FGF9: variants seen among roughly 807,000 people sequenced by gnomAD.
FGF9 encodes the protein fibroblast growth factor 9 (glia-activating factor).
A neutral mutation model predicts 19.9 loss-of-function variants in FGF9; 3 were observed. That is an observed-to-expected ratio of 0.15 (90% CI 0.07 to 0.39). The LOEUF (loss-of-function observed/expected upper bound fraction) is 0.39. Ranked by LOEUF, FGF9 falls within the 10% of genes least tolerant of loss-of-function variation. FGF9 has a pLI of 1.00. For synonymous variants in FGF9, 107 were observed against 106.9 expected (o/e 1.00, Z -0.01); for missense variants, 175 against 256.8 (o/e 0.68, Z 2.18).
chr13:21,690,082 C>T (rs1872251071), intron 2 of FGF9, among the ~76,000 whole-genome samples: 2 of 152,312 alleles, frequency 1.3e-5, no homozygotes, highest in South Asian at 2.1e-4. Flanking sequence ...TCCAGGGTAG[C>T]GTAGTCTCTC....
chr13:21,681,667 T>TC (rs1872045595), intron 2 of FGF9, among the ~76,000 whole-genome samples: 1 of 152,226 alleles, frequency 6.6e-6, no homozygotes, highest in African/African-American at 2.4e-5. Context: ...TTTCTTTTTT[T>TC]CCCACTCCAC....
chr13:21,680,887 T>C (rs896602257), intron 1 of FGF9, among the ~76,000 whole-genome samples, 155 bp from the exon 2 acceptor site: 1 of 152,210 alleles, frequency 6.6e-6, no homozygotes, highest in Non-Finnish European at 1.5e-5. Flanking sequence ...TTTTACACAG[T>C]GATTTTCAAA....
intron 2 of FGF9, among the ~76,000 whole-genome samples, chr13:21,692,407 G>A (rs747262946): frequency 5.3e-5 from 8 of 151,990 alleles, no homozygotes; most frequent in South Asian, 2.1e-4. Context: ...ATTTTGCTGC[G>A]TTTTGATGGG....
At chr13:21,683,571 C>T (rs886950213) in intron 2 of FGF9, among the ~76,000 whole-genome samples, 4 of 152,086 alleles carry the variant, frequency 2.6e-5, no homozygotes, top group African/African-American at 4.8e-5. Flanking sequence ...CACATCTTGC[C>T]GACAGTCCAG....
intron 2 of FGF9, among the ~76,000 whole-genome samples, chr13:21,687,851 G>A (rs1234196665): frequency 6.6e-6 from 1 of 152,218 alleles, no homozygotes; most frequent in Admixed American, 6.5e-5. Flanking sequence ...GTGGTTGTGG[G>A]ATGGTCATCT....
chr13:21,684,218 T>C (rs1469850249), intron 2 of FGF9, among the ~76,000 whole-genome samples: 1 of 152,220 alleles, frequency 6.6e-6, no homozygotes, highest in Non-Finnish European at 1.5e-5. Context: ...ATGTTTTCCT[T>C]TGGGCCCTAG....
intron 1 of FGF9, among the ~76,000 whole-genome samples, chr13:21,676,330 G>A (rs1871914426): frequency 6.6e-6 from 1 of 152,076 alleles, no homozygotes; most frequent in Non-Finnish European, 1.5e-5. Flanking sequence ...TTTACTAGAG[G>A]GGAGAAATAT....
At chr13:21,697,171 T>A (rs1385686267) in intron 2 of FGF9, among the ~76,000 whole-genome samples, 1 of 152,198 alleles carries the variant, frequency 6.6e-6, no homozygotes, top group East Asian at 1.9e-4. Context: ...TGTTTTTGAT[T>A]TTTAGAGACA....
chr13:21,673,777 G>A (rs1216708680), intron 1 of FGF9, among the ~76,000 whole-genome samples: 1 of 151,054 alleles, frequency 6.6e-6, no homozygotes, highest in Non-Finnish European at 1.5e-5. Context: ...GAAGCGAGCG[G>A]CGTGGGCGGC....
In FGF9 at chr13:21,701,640, A is replaced by T; in HGVS notation, c.*205A>T. ...GGCTTCTCCTCCTGGAGGGCTGCCTAGGGCCACTTGCTTGATTTATCATGA... is the reference window on the plus strand; with the variant it reads ...GGCTTCTCCTCCTGGAGGGCTGCCTTGGGCCACTTGCTTGATTTATCATGA... On this transcript the variant is annotated 3_prime_UTR_variant, in exon 3 of 3. Coordinates refer to ENST00000382353, the MANE Select transcript of FGF9 (RefSeq NM_002010.3). 3.3e-6 allele frequency: 2 copies of T among 612,622 alleles called. No homozygotes were observed. Among genetic ancestry groups the T allele is most frequent in the Non-Finnish European group, 5.6e-6 (2 of 354,440 alleles). The allele number at this position is 612,622 out of a possible 1,614,324, so 37.9% of individuals were successfully genotyped here. A position where few individuals can be genotyped will look rare whatever the true frequency, so the allele number is the denominator to read the frequency against.
At chr13:21,700,302 G>A (rs766275913) in intron 2 of FGF9, among the ~76,000 whole-genome samples, 3 of 152,082 alleles carry the variant, frequency 2.0e-5, no homozygotes, top group Non-Finnish European at 4.4e-5. Context: ...TTGCTTTTAC[G>A]TTGGATTCAG....
intron 2 of FGF9, among the ~76,000 whole-genome samples, chr13:21,688,752 A>ATTGTTTTT (rs369535131): frequency 3.6e-5 from 5 of 139,992 alleles, no homozygotes; most frequent in African/African-American, 1.3e-4. Flanking sequence ...ATTTTGGAGG[A>ATTGTTTTT]TTTTTTTTTT....
intron 1 of FGF9, among the ~76,000 whole-genome samples, chr13:21,673,489 C>G (rs779724209): frequency 1.1e-4 from 16 of 152,174 alleles, no homozygotes; most frequent in Non-Finnish European, 2.2e-4. Flanking sequence ...GCCGTCTCCA[C>G]TCGCTGCTTA....
At chr13:21,675,947 G>C (rs1312212842) in intron 1 of FGF9, among the ~76,000 whole-genome samples, 1 of 150,284 alleles carries the variant, frequency 6.7e-6, no homozygotes, top group African/African-American at 2.4e-5. Flanking sequence ...TTTCCCCCTC[G>C]GATTGGTGGT....
rs933676671 is a variant in FGF9, at chr13:21,672,348, G to GA, written c.277+168dup. Among the ~76,000 whole-genome samples, 8 of 149,412 alleles carry GA rather than the reference G, an allele frequency of 5.4e-5. No individual in the cohort carries two copies. In the East Asian group the frequency reaches 1.2e-3, roughly 22 times the overall value. On this transcript the variant is annotated intron_variant, in intron 1 of 2. Coordinates refer to ENST00000382353, the MANE Select transcript of FGF9 (RefSeq NM_002010.3). This position sits in a 1 kb window ranked among gnomAD's most constrained non-coding sequence, Gnocchi z 4.2. ...TCTCTCTCTCTGTCTTGCCAGCTCC[G>GA]AAAAAAAAATGCCTCCGGAATTGCA...
Position 21,701,225 on chromosome 13 carries a change from G to A in FGF9, c.417G>A (p.Gln139=), listed in dbSNP as rs1872533961. The change falls in exon 3 of 3, where the codon CAG becomes CAA. Residue 139 remains glutamine, a synonymous_variant. Transcript: ENST00000382353. ...CCCAAGAGTGTGTATTCAGAGAACA[G>A]TTCGAAGAAAACTGGTATAATACGT... ...KLTQECVFRE[Q]FEENWYNTYS... is the part of the protein sequence containing the mutation. 2 of 1,613,812 alleles carry A rather than the reference G, an allele frequency of 1.2e-6. No homozygotes were observed. The highest frequency in any genetic ancestry group is 2.7e-5 in the African/African-American group (2 of 74,982).
rs1238831961 is a variant in FGF9 at position 21,701,700 on chromosome 13, AGTGTGTGTATGT to A, written c.*274_*285del. On this transcript the variant is annotated 3_prime_UTR_variant, in exon 3 of 3. Coordinates refer to ENST00000382353, the MANE Select transcript of FGF9 (RefSeq NM_002010.3). ...AGAGAGAGAGAGACTGAGCGCTAGG[AGTGTGTGTATGT>A]GTGTGTGTGTGTGTGTGTGTGTGTG... The A allele has an allele frequency of 1.8e-5, 8 of 441,838 alleles. No homozygotes were observed. Among genetic ancestry groups the A allele is most frequent in the South Asian group, 4.1e-5 (2 of 48,642 alleles). The allele number at this position is 441,838 out of a possible 1,614,324, so 27.4% of individuals were successfully genotyped here. A position where few individuals can be genotyped will look rare whatever the true frequency, so the allele number is the denominator to read the frequency against.
At chr13:21,685,583 T>G (rs1038333482) in intron 2 of FGF9, among the ~76,000 whole-genome samples, 1 of 152,252 alleles carries the variant, frequency 6.6e-6, no homozygotes, top group Admixed American at 6.5e-5. Flanking sequence ...ACGTGATAAT[T>G]TGTCCATGTA....
chr13:21,686,762 G>A (rs17070341), intron 2 of FGF9, among the ~76,000 whole-genome samples: 2,370 of 152,278 alleles, frequency 0.016, 67 homozygotes, highest in African/African-American at 0.053. Context: ...TATTCACTCC[G>A]TCATGAACAC....
Sources: allele counts gnomAD v4.1 joint callset (sites outside exome capture counted in the v4.1 genomes callset), GRCh38; gene constraint gnomAD v4.1.1; non-coding constraint Gnocchi (gnomAD v3.1); transcripts MANE v1.5; gene names NCBI Gene and HGNC (gene_info 2026-07-23, HGNC 2026-07-21).